The following CNTNAP2 variants were observed in gnomAD, a reference collection of about 807,000 sequenced individuals.
CNTNAP2 encodes the protein contactin associated protein 2, also known as contactin-associated protein-like 2.
Under a neutral mutation model 155.2 loss-of-function variants are expected in CNTNAP2, and 98 were observed. The ratio of observed to expected loss-of-function variants is 0.63; its 90% confidence interval spans 0.54 to 0.75. CNTNAP2 has a LOEUF of 0.75. Ranked by LOEUF, CNTNAP2 falls within the 30% of genes least tolerant of loss-of-function variation. The probability of loss-of-function intolerance (pLI) is 0.00; values close to 1 mark genes in which losing one functional copy is unlikely to be tolerated. For missense variants in CNTNAP2, 1,727 were observed against 1,688.1 expected, an observed-to-expected ratio of 1.02 and a Z score of -0.40; for synonymous variants, 651 against 631.2, an observed-to-expected ratio of 1.03 and a Z score of -0.47.
chr7:147,262,048 A>G lies in CNTNAP2; in HGVS notation c.1349-38093A>G, dbSNP rs1006260621. On this transcript the variant is annotated intron_variant, in intron 8 of 23. Coordinates refer to ENST00000361727, the MANE Select transcript of CNTNAP2 (RefSeq NM_014141.6). ...CTTACCGTGAGCCAGGCACTGTGTT[A>G]GGAGGCAAGCAAAAGTTACAAAGAA... Among the ~76,000 whole-genome samples the G allele has an allele frequency of 2.6e-5, 4 of 152,238 alleles. No individual in the cohort carries two copies. In the East Asian group the frequency reaches 7.7e-4, roughly 29 times the overall value.
chr7:148,306,801 G>A (rs556124138), intron 21 of CNTNAP2, among the ~76,000 whole-genome samples: 2 of 151,762 alleles, frequency 1.3e-5, no homozygotes, highest in African/African-American at 4.8e-5. Context: ...GTGTATTTTC[G>A]TTTGTTTTTC....
At chr7:148,349,834 C>T (rs941123693) in intron 21 of CNTNAP2, among the ~76,000 whole-genome samples, 1 of 152,132 alleles carries the variant, frequency 6.6e-6, no homozygotes, top group African/African-American at 2.4e-5. Flanking sequence ...CAGACAAGGC[C>T]GGCATTTACC....
At chr7:147,421,998 A>G (rs996887324) in intron 10 of CNTNAP2, among the ~76,000 whole-genome samples, 4 of 151,730 alleles carry the variant, frequency 2.6e-5, no homozygotes, top group African/African-American at 7.3e-5. Context: ...ACCGTGAGCC[A>G]ATTAAATCTC....
intron 1 of CNTNAP2, among the ~76,000 whole-genome samples, chr7:146,218,874 C>T (rs898857117): frequency 5.9e-5 from 9 of 152,112 alleles, no homozygotes; most frequent in African/African-American, 2.2e-4. Context: ...AACTGGATCT[C>T]TCTGGAAGGG....
chr7:147,198,145 T>G (rs1802842947), intron 8 of CNTNAP2, among the ~76,000 whole-genome samples: 1 of 151,804 alleles, frequency 6.6e-6, no homozygotes. Flanking sequence ...TAAAATGGAA[T>G]ATATAAAATG....
At chr7:147,431,215 T>A (rs1309607211) in intron 10 of CNTNAP2, among the ~76,000 whole-genome samples, 3 of 152,164 alleles carry the variant, frequency 2.0e-5, no homozygotes, top group African/African-American at 7.2e-5. Context: ...TTTCTTTTAT[T>A]TGATAAATAT....
At chr7:147,644,385 C>T (rs1271472417) in intron 13 of CNTNAP2, among the ~76,000 whole-genome samples, 1 of 152,140 alleles carries the variant, frequency 6.6e-6, no homozygotes, top group African/African-American at 2.4e-5. Flanking sequence ...CTTTGGGAGG[C>T]CAAGGCAGGT....
At chr7:146,491,011 T>G (rs1223114888) in intron 1 of CNTNAP2, among the ~76,000 whole-genome samples, 2 of 152,168 alleles carry the variant, frequency 1.3e-5, no homozygotes, top group Non-Finnish European at 1.5e-5. Flanking sequence ...TGCTTTTTAT[T>G]TCTCTCAATC....
intron 8 of CNTNAP2, among the ~76,000 whole-genome samples, chr7:147,255,821 T>A (rs1318661157): frequency 2.0e-5 from 3 of 152,170 alleles, no homozygotes; most frequent in Non-Finnish European, 4.4e-5. Context: ...CACTGCAACC[T>A]CTGCTTTCTG....
At chr7:146,225,944 A>G (rs1799285808) in intron 1 of CNTNAP2, among the ~76,000 whole-genome samples, 1 of 152,238 alleles carries the variant, frequency 6.6e-6, no homozygotes, top group Non-Finnish European at 1.5e-5. Flanking sequence ...CTTTGCAGCC[A>G]GTATTCATTT....
At chr7:147,040,940 C>A (rs763530479) in intron 3 of CNTNAP2, among the ~76,000 whole-genome samples, 1 of 152,094 alleles carries the variant, frequency 6.6e-6, no homozygotes, top group Non-Finnish European at 1.5e-5. Flanking sequence ...CTTCTACTCC[C>A]TTCTTTCAAG....
intron 1 of CNTNAP2, among the ~76,000 whole-genome samples, chr7:146,245,840 G>T (rs1243852829): frequency 6.7e-6 from 1 of 150,140 alleles, no homozygotes; most frequent in East Asian, 1.9e-4. Flanking sequence ...GATGACGGGT[G>T]CAAAGGAATA....
intron 4 of CNTNAP2, among the ~76,000 whole-genome samples, chr7:147,060,629 C>T (rs1171219854): frequency 1.3e-5 from 2 of 151,604 alleles, no homozygotes; most frequent in African/African-American, 2.4e-5. Flanking sequence ...TCTGGGAGGC[C>T]GAGGCGGGCG....
intron 18 of CNTNAP2, among the ~76,000 whole-genome samples, chr7:148,174,426 C>A (rs868078093): frequency 5.3e-5 from 8 of 152,136 alleles, no homozygotes; most frequent in East Asian, 1.9e-4. Flanking sequence ...GACCGCCCCC[C>A]ACCTCAGGCT....
At chr7:146,767,092 C>T (rs910760690) in intron 1 of CNTNAP2, among the ~76,000 whole-genome samples, 1 of 152,132 alleles carries the variant, frequency 6.6e-6, no homozygotes. Flanking sequence ...TGATGACAAA[C>T]TAATTGTACT....
chr7:147,629,480 T>C (rs941175630), intron 12 of CNTNAP2, among the ~76,000 whole-genome samples: 4 of 151,008 alleles, frequency 2.6e-5, no homozygotes, highest in African/African-American at 9.7e-5. Flanking sequence ...ACAAATGGAT[T>C]TAACAGATAG....
chr7:146,255,330 G>A (rs759555579), intron 1 of CNTNAP2, among the ~76,000 whole-genome samples: 1 of 152,158 alleles, frequency 6.6e-6, no homozygotes, highest in African/African-American at 2.4e-5. Flanking sequence ...ATTATTTGAA[G>A]TGTCTACCAC....
chr7:146,224,548 C>A (rs1484130001), intron 1 of CNTNAP2, among the ~76,000 whole-genome samples: 2 of 150,768 alleles, frequency 1.3e-5, no homozygotes, highest in African/African-American at 4.9e-5. Flanking sequence ...GAGATTGAGA[C>A]TATCCTGGCT....
At chr7:147,825,299 C>T (rs1279485191) in intron 13 of CNTNAP2, among the ~76,000 whole-genome samples, 1 of 152,098 alleles carries the variant, frequency 6.6e-6, no homozygotes, top group African/African-American at 2.4e-5. Flanking sequence ...TTAGTAGCAC[C>T]AGGTTGGTTG....
Sources: allele counts gnomAD v4.1 joint callset (sites outside exome capture counted in the v4.1 genomes callset), GRCh38; gene constraint gnomAD v4.1.1; transcripts MANE v1.5; gene names NCBI Gene and HGNC (gene_info 2026-07-23, HGNC 2026-07-21).